Variants in RPS6KC1 observed in about 807,000 individuals in gnomAD.
RPS6KC1 encodes inactive ribosomal protein S6 kinase delta-1.
RPS6KC1 carries 54 observed loss-of-function variants against 103.8 expected under a neutral mutation model. The observed-to-expected ratio is 0.52, with a 90% CI of 0.42 to 0.65. The LOEUF (loss-of-function observed/expected upper bound fraction) is 0.65. Ranked by LOEUF, RPS6KC1 falls within the 30% of genes least tolerant of loss-of-function variation. The pLI, the probability that RPS6KC1 is intolerant of heterozygous loss-of-function variation, is 0.00. For synonymous variants in RPS6KC1, 439 were observed against 438.7 expected, an observed-to-expected ratio of 1.00 and a Z score of -0.01; for missense variants, 1,151 against 1,253.8, an observed-to-expected ratio of 0.92 and a Z score of 1.24.
chr1:213,757,459 G>A, the RPS6KC1 span, among the ~76,000 whole-genome samples: 2 of 152,246 alleles, frequency 1.3e-5, no homozygotes, highest in African/African-American at 4.8e-5. Flanking sequence ...GCCTAATCCA[G>A]AGCAAAGCTC....
At chr1:213,758,996 G>A in the RPS6KC1 span, among the ~76,000 whole-genome samples, 13 of 152,204 alleles carry the variant, frequency 8.5e-5, no homozygotes, top group Non-Finnish European at 1.5e-4. Context: ...AAGCTCTACT[G>A]TGCATAAAAT....
At chr1:213,145,509 A>G (rs1218614049) in intron 6 of RPS6KC1, among the ~76,000 whole-genome samples, 1 of 152,086 alleles carries the variant, frequency 6.6e-6, no homozygotes, top group African/African-American at 2.4e-5. Flanking sequence ...CTGTGGGGAA[A>G]CTACTCGAGA....
chr1:213,806,051 G>A, the RPS6KC1 span, among the ~76,000 whole-genome samples: 25 of 152,310 alleles, frequency 1.6e-4, no homozygotes, highest in Admixed American at 1.0e-3. Flanking sequence ...TCAGTCAACC[G>A]GCCAGGCATG....
chr1:213,494,359 T>G, the RPS6KC1 span, among the ~76,000 whole-genome samples: 1 of 152,050 alleles, frequency 6.6e-6, no homozygotes, highest in African/African-American at 2.4e-5. Context: ...AAAAAATTCT[T>G]TGATGTTTTC....
the RPS6KC1 span, among the ~76,000 whole-genome samples, chr1:213,724,030 G>C: frequency 1.3e-5 from 2 of 152,190 alleles, no homozygotes; most frequent in African/African-American, 4.8e-5. Context: ...CTGAGGAGCA[G>C]AAGCAGGATG....
chr1:213,435,338 C>A, the RPS6KC1 span, among the ~76,000 whole-genome samples: 1 of 152,054 alleles, frequency 6.6e-6, no homozygotes, highest in Non-Finnish European at 1.5e-5. Context: ...AGTTCTGGTT[C>A]TGCTTTGAAT....
At chr1:213,191,177 G>T (rs1449218585) in intron 8 of RPS6KC1, among the ~76,000 whole-genome samples, 1 of 152,112 alleles carries the variant, frequency 6.6e-6, no homozygotes, top group Non-Finnish European at 1.5e-5. Context: ...TTCTATTTCT[G>T]TGAGGAATGC....
chr1:213,191,779 T>C (rs1325907099), intron 8 of RPS6KC1, among the ~76,000 whole-genome samples: 1 of 152,032 alleles, frequency 6.6e-6, no homozygotes, highest in East Asian at 1.9e-4. Flanking sequence ...TATGGGTCTG[T>C]CGTATATGGT....
At chr1:213,081,097 T>C (rs1411746173) in intron 3 of RPS6KC1, among the ~76,000 whole-genome samples, 1 of 152,260 alleles carries the variant, frequency 6.6e-6, no homozygotes, top group African/African-American at 2.4e-5. Context: ...GCCTCCAAGA[T>C]AGCCTCCTAT....
chr1:213,620,127 GGTT>G, the RPS6KC1 span, among the ~76,000 whole-genome samples: 1 of 152,214 alleles, frequency 6.6e-6, no homozygotes, highest in African/African-American at 2.4e-5. Flanking sequence ...GTGCTGTACA[GGTT>G]GTTCCATTTG....
the RPS6KC1 span, among the ~76,000 whole-genome samples, chr1:213,518,221 C>A: frequency 6.6e-6 from 1 of 152,148 alleles, no homozygotes; most frequent in South Asian, 2.1e-4. Context: ...AAATATATGT[C>A]CTTGTTCCCC....
chr1:213,759,411 C>A, the RPS6KC1 span, among the ~76,000 whole-genome samples: 1 of 152,164 alleles, frequency 6.6e-6, no homozygotes, highest in Non-Finnish European at 1.5e-5. Flanking sequence ...TGGAACTGAA[C>A]CTGCAATTTC....
the RPS6KC1 span, among the ~76,000 whole-genome samples, chr1:213,429,514 T>G: frequency 6.6e-6 from 1 of 152,234 alleles, no homozygotes; most frequent in Non-Finnish European, 1.5e-5. Context: ...GCTACCTTTT[T>G]ATTGGAAAAT....
the RPS6KC1 span, among the ~76,000 whole-genome samples, chr1:213,312,058 G>T: frequency 6.6e-6 from 1 of 151,878 alleles, no homozygotes; most frequent in East Asian, 1.9e-4. Flanking sequence ...CCACCATGCC[G>T]GACTAATTTT....
At chr1:213,666,054 G>A in the RPS6KC1 span, among the ~76,000 whole-genome samples, 1 of 152,260 alleles carries the variant, frequency 6.6e-6, no homozygotes, top group African/African-American at 2.4e-5. Flanking sequence ...AGGAATGTTA[G>A]CCATGACCCC....
chr1:213,639,819 T>C, the RPS6KC1 span, among the ~76,000 whole-genome samples: 2 of 152,148 alleles, frequency 1.3e-5, no homozygotes, highest in Admixed American at 1.3e-4. Context: ...GTTGAGTGTT[T>C]TTTCATCTCT....
the RPS6KC1 span, among the ~76,000 whole-genome samples, chr1:213,477,440 A>G: frequency 6.6e-6 from 1 of 151,374 alleles, no homozygotes. Flanking sequence ...ATTTTGTTAT[A>G]TTTCTAATAG....
At chr1:213,630,287 C>CT in the RPS6KC1 span, among the ~76,000 whole-genome samples, 27 of 152,130 alleles carry the variant, frequency 1.8e-4, no homozygotes, top group Admixed American at 1.6e-3. Context: ...TCTTTTTATT[C>CT]TTTTTTCTCT....
chr1:213,389,789 G>A, the RPS6KC1 span, among the ~76,000 whole-genome samples: 44 of 152,248 alleles, frequency 2.9e-4, no homozygotes, highest in African/African-American at 1.0e-3. Flanking sequence ...AGGCACCCGA[G>A]CAAAGGGCAA....
Sources: gnomAD v4.1 joint callset for allele counts (sites outside exome capture counted in the v4.1 genomes callset) on GRCh38, gnomAD v4.1.1 for gene constraint, MANE v1.5 for transcripts, NCBI Gene and HGNC (gene_info 2026-07-23, HGNC 2026-07-21) for gene names.